The following PHLPP2 variants were observed in gnomAD, a reference collection of about 807,000 sequenced individuals.
PHLPP2 encodes PH domain leucine-rich repeat-containing protein phosphatase 2.
PHLPP2 carries 66 observed loss-of-function variants against 124.9 expected under a neutral mutation model. The observed-to-expected ratio is 0.53, with a 90% CI of 0.43 to 0.65. The LOEUF (loss-of-function observed/expected upper bound fraction) is 0.65, where lower values mean the gene tolerates loss of function less well. Ranked by LOEUF, PHLPP2 falls within the 30% of genes least tolerant of loss-of-function variation. PHLPP2 has a pLI of 0.00. For missense variants in PHLPP2, 1,685 were observed against 1,600.4 expected (o/e 1.05, Z -0.90); for synonymous variants, 681 against 624.7 (o/e 1.09, Z -1.34).
intron 11 of PHLPP2, 21 bp from the exon 12 acceptor site, chr16:71,667,354 CA>C: frequency 1.3e-6 from 2 of 1,589,168 alleles, no homozygotes; most frequent in Non-Finnish European, 1.7e-6. Flanking sequence ...AGCATACAAA[CA>C]AACACATTAA....
At chr16:71,687,344 C>T (rs1385540504) in intron 4 of PHLPP2, among the ~76,000 whole-genome samples, 1 of 152,130 alleles carries the variant, frequency 6.6e-6, no homozygotes. Context: ...ATATAAATGT[C>T]TCATATGCTA....
chr16:71,660,726 A>G (rs2044782279), intron 13 of PHLPP2, among the ~76,000 whole-genome samples: 1 of 151,992 alleles, frequency 6.6e-6, no homozygotes, highest in Non-Finnish European at 1.5e-5. Context: ...TTATGATTTT[A>G]TTTAACAATA....
At position 71,679,491 on chromosome 16, in the gene PHLPP2, C is replaced by T; in HGVS notation, c.935G>A (p.Gly312Glu). The part of the protein sequence containing the change: ...KGLNLSHNKL[G>E]LFPILLCEIS... Reference sequence around the variant, plus strand: ...CTCGCATAACAATATAGGAAACAACCCAAGTTTATTATGGGACAAGTTCAG... The same window carrying T: ...CTCGCATAACAATATAGGAAACAACTCAAGTTTATTATGGGACAAGTTCAG... The change falls in exon 7 of 19, where the codon GGG (glycine) becomes GAG (glutamate). Residue 312 changes from glycine to glutamate, a missense_variant. Physicochemically the swap from Gly to Glu is moderately conservative, Grantham distance 98. Coordinates refer to ENST00000568954, the MANE Select transcript of PHLPP2 (RefSeq NM_015020.3). 1 of 1,613,562 alleles carries T rather than the reference C, an allele frequency of 6.2e-7. No homozygotes were observed. Among genetic ancestry groups the T allele is most frequent in the Non-Finnish European group, 8.5e-7 (1 of 1,179,786 alleles).
intron 13 of PHLPP2, 79 bp from the exon 14 acceptor site, chr16:71,658,894 A>G (rs2044764585): frequency 1.6e-6 from 2 of 1,282,282 alleles, no homozygotes; most frequent in Admixed American, 1.9e-5. Context: ...CAGCAGCCAC[A>G]GAGTACAGAA....
At position 71,695,080 on chromosome 16, in the gene PHLPP2, C is replaced by G. The variant is rs762451943; in HGVS notation, c.419-4371G>C. 1.2e-4 allele frequency among the ~76,000 whole-genome samples: 18 copies of G among 152,216 alleles called. 1 individual carries two copies. The highest frequency in any genetic ancestry group is 1.9e-4 in the Non-Finnish European group (13 of 68,006). ...GATTACAGGCATGAGCCACCGTGCC[C>G]AGCCAAGACCATCATTTTATCTATC... is the stretch of plus-strand genomic sequence containing the variant. On this transcript the variant is annotated intron_variant, in intron 3 of 18. Transcript: ENST00000568954.
chr16:71,719,813 T>G (rs1323982545), intron 1 of PHLPP2, among the ~76,000 whole-genome samples: 1 of 152,074 alleles, frequency 6.6e-6, no homozygotes, highest in Non-Finnish European at 1.5e-5. Context: ...GTTTGTTTTT[T>G]TGGAGACAGC....
intron 2 of PHLPP2, among the ~76,000 whole-genome samples, chr16:71,707,999 T>G (rs1409838237): frequency 6.6e-6 from 1 of 152,150 alleles, no homozygotes; most frequent in African/African-American, 2.4e-5. Flanking sequence ...GGCTCACCCC[T>G]GTAATACGAG....
Position 71,648,905 on chromosome 16 carries a change from G to C in PHLPP2, c.3957C>G (p.Phe1319Leu). ...AGTGGGGCAGTCATAGTGCTGTGTCGAACTCCTCCGGGGGCTCGGTCCGAT... is the reference window on the plus strand; with the variant it reads ...AGTGGGGCAGTCATAGTGCTGTGTCCAACTCCTCCGGGGGCTCGGTCCGAT... ...EEDRTEPPEEFDTAL is the reference protein window; with the variant it reads ...EEDRTEPPEELDTAL Residue 1319 changes from phenylalanine to leucine, a missense_variant, in exon 19 of 19, where the codon TTC becomes TTG. Coordinates refer to ENST00000568954, the MANE Select transcript of PHLPP2 (RefSeq NM_015020.3). 1 of 1,612,046 alleles carries C rather than the reference G, an allele frequency of 6.2e-7. No homozygotes were observed. Among genetic ancestry groups the C allele is most frequent in the Non-Finnish European group, 8.5e-7 (1 of 1,179,730 alleles).
rs192440555 is a variant in PHLPP2, at chr16:71,683,858, T to C, written c.735+618A>G. Among the ~76,000 whole-genome samples the C allele has an allele frequency of 4.9e-4, 74 of 152,256 alleles. No individual in the cohort carries two copies. The East Asian group carries it at 0.013, about 27-fold the overall frequency. On this transcript the variant is annotated intron_variant, in intron 5 of 18. Coordinates refer to ENST00000568954, the MANE Select transcript of PHLPP2 (RefSeq NM_015020.3). ...CGGGCTGGAGTGCAATGGAATGATCTTGGCTCACTGCAATCTCCGCCTCCT... is the reference window on the plus strand; with the variant it reads ...CGGGCTGGAGTGCAATGGAATGATCCTGGCTCACTGCAATCTCCGCCTCCT...
chr16:71,703,502 T>TA (rs67878827), intron 2 of PHLPP2, among the ~76,000 whole-genome samples: 31 of 150,362 alleles, frequency 2.1e-4, no homozygotes, highest in Middle Eastern at 3.4e-3. Flanking sequence ...GAAAAATATT[T>TA]AAAAAAAAAA....
chr16:71,651,922 A>G (rs189667274), intron 18 of PHLPP2, among the ~76,000 whole-genome samples: 1 of 152,358 alleles, frequency 6.6e-6, no homozygotes, highest in East Asian at 1.9e-4. Context: ...GTAAAACACA[A>G]AACTAAACTT....
At chr16:71,693,076 G>C (rs1190506619) in intron 3 of PHLPP2, among the ~76,000 whole-genome samples, 1 of 152,066 alleles carries the variant, frequency 6.6e-6, no homozygotes, top group Non-Finnish European at 1.5e-5. Context: ...GGATCACGAG[G>C]TCAGAAGTTC....
chr16:71,654,046 T>G (rs897184067), intron 17 of PHLPP2, among the ~76,000 whole-genome samples: 1 of 151,652 alleles, frequency 6.6e-6, no homozygotes, highest in East Asian at 1.9e-4. Flanking sequence ...ATACAAAAAA[T>G]TAGCCGGGTG....
At position 71,696,309 on chromosome 16, in the gene PHLPP2, C is replaced by T. The variant is rs560246210; in HGVS notation, c.419-5600G>A. On this transcript the variant is annotated intron_variant, in intron 3 of 18. Transcript: ENST00000568954. The stretch of plus-strand genomic sequence containing the variant: ...TACCAAATCAACTACACACTAGTAA[C>T]ACCTATTTGTGCAACTTGGGAATGC... Among the ~76,000 whole-genome samples the T allele has an allele frequency of 2.6e-4, 39 of 152,156 alleles. 1 individual carries two copies. In the South Asian group the frequency reaches 6.4e-3, roughly 25 times the overall value.
intron 9 of PHLPP2, among the ~76,000 whole-genome samples, chr16:71,675,178 T>C (rs1417225017): frequency 6.6e-6 from 1 of 152,220 alleles, no homozygotes; most frequent in Admixed American, 6.5e-5. Flanking sequence ...CAGTCACCTC[T>C]CACTGGCAGT....
intron 1 of PHLPP2, chr16:71,723,609 T>G: frequency 1.7e-5 from 5 of 297,772 alleles, no homozygotes; most frequent in Non-Finnish European, 3.0e-5. Context: ...CCCAGCCGGG[T>G]GTGGGGCGGC....
chr16:71,669,167 C>T (rs2044867409), intron 11 of PHLPP2, 108 bp downstream of exon 11: 8 of 686,050 alleles, frequency 1.2e-5, no homozygotes, highest in Non-Finnish European at 2.1e-5. Flanking sequence ...TCAGCAGGTA[C>T]TCAACACACT....
At chr16:71,670,564 T>C (rs2044882265) in intron 10 of PHLPP2, among the ~76,000 whole-genome samples, 1 of 151,824 alleles carries the variant, frequency 6.6e-6, no homozygotes, top group African/African-American at 2.4e-5. Context: ...TGCACATAAT[T>C]CTTGAGAAAT....
At chr16:71,714,098 C>A (rs927314114) in intron 2 of PHLPP2, among the ~76,000 whole-genome samples, 4 of 151,846 alleles carry the variant, frequency 2.6e-5, no homozygotes, top group African/African-American at 9.7e-5. Context: ...CACTACCATG[C>A]CTGGCTAATT....
Sources: gnomAD v4.1 joint callset for allele counts (sites outside exome capture counted in the v4.1 genomes callset) on GRCh38, gnomAD v4.1.1 for gene constraint, MANE v1.5 for transcripts, NCBI Gene and HGNC (gene_info 2026-07-23, HGNC 2026-07-21) for gene names.